SH3RF3: variants seen among roughly 807,000 people sequenced by gnomAD.
SH3RF3 encodes the protein E3 ubiquitin-protein ligase SH3RF3.
SH3RF3 carries 29 observed loss-of-function variants against 66.3 expected under a neutral mutation model. The observed-to-expected ratio is 0.44, with a 90% CI of 0.33 to 0.60. The LOEUF (loss-of-function observed/expected upper bound fraction) is 0.60. Ranked by LOEUF, SH3RF3 falls within the 20% of genes least tolerant of loss-of-function variation. The pLI, the probability that SH3RF3 is intolerant of heterozygous loss-of-function variation, is 0.04. For synonymous variants in SH3RF3, 583 were observed against 532.0 expected (o/e 1.10, Z -1.32); for missense variants, 1,194 against 1,190.9 (o/e 1.00, Z -0.04).
chr2:109,333,357 T>C (rs1682332472), intron 1 of SH3RF3, among the ~76,000 whole-genome samples: 1 of 152,254 alleles, frequency 6.6e-6, no homozygotes, highest in African/African-American at 2.4e-5. Flanking sequence ...ATGTAATGTA[T>C]TGGTTTCAGC....
chr2:109,177,382 A>C (rs758556562), intron 1 of SH3RF3, among the ~76,000 whole-genome samples: 8 of 152,212 alleles, frequency 5.3e-5, no homozygotes, highest in Non-Finnish European at 1.0e-4. Context: ...CTGCCATTGT[A>C]GCATGAATAA....
At chr2:109,157,034 G>A (rs1304327520) in intron 1 of SH3RF3, among the ~76,000 whole-genome samples, 4 of 152,138 alleles carry the variant, frequency 2.6e-5, no homozygotes, top group African/African-American at 4.8e-5. Flanking sequence ...TTCCATCATA[G>A]GATTTGCATC....
At chr2:109,337,840 A>G (rs901323664) in intron 1 of SH3RF3, among the ~76,000 whole-genome samples, 2 of 149,718 alleles carry the variant, frequency 1.3e-5, no homozygotes, top group Non-Finnish European at 3.0e-5. Flanking sequence ...TGATCCTCCC[A>G]CCTCAGCCTC....
At chr2:109,380,229 C>G (rs1683482793) in intron 3 of SH3RF3, among the ~76,000 whole-genome samples, 1 of 152,126 alleles carries the variant, frequency 6.6e-6, no homozygotes, top group African/African-American at 2.4e-5. Context: ...CTTCTTAAGT[C>G]TTTTTGAGGT....
chr2:109,341,294 C>T (rs1256695097), intron 1 of SH3RF3, among the ~76,000 whole-genome samples: 2 of 152,206 alleles, frequency 1.3e-5, no homozygotes, highest in Admixed American at 1.3e-4. Context: ...TAACAAACTT[C>T]TTCATCGCGG....
chr2:109,346,149 C>T (rs1248851711), intron 1 of SH3RF3, among the ~76,000 whole-genome samples: 1 of 152,164 alleles, frequency 6.6e-6, no homozygotes, highest in Non-Finnish European at 1.5e-5. Context: ...CACTACAAAG[C>T]TATCCAGAAT....
At chr2:109,352,544 G>A (rs1387753958) in intron 2 of SH3RF3, among the ~76,000 whole-genome samples, 1 of 152,220 alleles carries the variant, frequency 6.6e-6, no homozygotes, top group Non-Finnish European at 1.5e-5. Context: ...CCGAGACGAT[G>A]AGGAAACTTT....
chr2:109,224,963 C>G (rs747856986), intron 1 of SH3RF3, among the ~76,000 whole-genome samples: 4 of 152,138 alleles, frequency 2.6e-5, no homozygotes, highest in Non-Finnish European at 4.4e-5. Flanking sequence ...GCAGCATAAC[C>G]TTATCTTTTT....
intron 3 of SH3RF3, among the ~76,000 whole-genome samples, chr2:109,392,376 C>A (rs1676022055): frequency 6.6e-6 from 1 of 152,200 alleles, no homozygotes; most frequent in South Asian, 2.1e-4. Flanking sequence ...CACTTAACCT[C>A]TCTGAGCCTC....
intron 3 of SH3RF3, among the ~76,000 whole-genome samples, chr2:109,394,267 G>T (rs1676081885): frequency 6.6e-6 from 1 of 152,260 alleles, no homozygotes; most frequent in African/African-American, 2.4e-5. Context: ...TGCTGAGCCA[G>T]CAGGCAGCCA....
intron 1 of SH3RF3, chr2:109,313,699 C>G (rs1681792310): frequency 6.5e-6 from 1 of 154,916 alleles, no homozygotes; most frequent in African/African-American, 2.4e-5. Context: ...TGGAGAGAGA[C>G]TGATTCTCTG....
At chr2:109,201,772 A>G (rs1221511279) in intron 1 of SH3RF3, among the ~76,000 whole-genome samples, 1 of 152,148 alleles carries the variant, frequency 6.6e-6, no homozygotes, top group Non-Finnish European at 1.5e-5. Flanking sequence ...TTGGTAGGAA[A>G]TGAGCTTTGG....
intron 1 of SH3RF3, among the ~76,000 whole-genome samples, chr2:109,176,634 G>C (rs980037036): frequency 6.6e-5 from 10 of 152,196 alleles, no homozygotes; most frequent in African/African-American, 2.4e-4. Context: ...CAACCCAGAA[G>C]GCTGAGGCAG....
chr2:109,448,176 T>C (rs1677761548), intron 7 of SH3RF3, among the ~76,000 whole-genome samples: 1 of 152,220 alleles, frequency 6.6e-6, no homozygotes, highest in African/African-American at 2.4e-5. Context: ...CATGCAGTGG[T>C]GCTTAATAAT....
At chr2:109,309,233 G>A (rs537218394) in intron 1 of SH3RF3, among the ~76,000 whole-genome samples, 21,100 of 119,596 alleles carry the variant, frequency 0.18, 335 homozygotes, top group African/African-American at 0.33. Flanking sequence ...TTTGTCTGTT[G>A]TTGGTGTATA....
intron 1 of SH3RF3, among the ~76,000 whole-genome samples, chr2:109,157,080 A>T (rs1677363771): frequency 6.6e-6 from 1 of 152,210 alleles, no homozygotes; most frequent in South Asian, 2.1e-4. Flanking sequence ...TGGTAAACAC[A>T]GGTGGCTCCA....
At chr2:109,240,287 G>A (rs1311591352) in intron 1 of SH3RF3, among the ~76,000 whole-genome samples, 4 of 152,114 alleles carry the variant, frequency 2.6e-5, no homozygotes, top group African/African-American at 4.8e-5. Context: ...ATCACTTGAG[G>A]TCGGGAGTCC....
At chr2:109,437,167 C>T (rs2104587347) in intron 7 of SH3RF3, 21 bp downstream of exon 7, 2 of 1,589,568 alleles carry the variant, frequency 1.3e-6, no homozygotes, top group Non-Finnish European at 1.7e-6. Flanking sequence ...AGGGGCCTCA[C>T]CCTGCAGGGC....
chr2:109,149,985 A>G (rs976618891), intron 1 of SH3RF3, among the ~76,000 whole-genome samples: 3 of 152,042 alleles, frequency 2.0e-5, no homozygotes, highest in Non-Finnish European at 2.9e-5. Context: ...CCCCTGGGGA[A>G]CCTCCCCAAA....
Sources: allele counts gnomAD v4.1 joint callset (sites outside exome capture counted in the v4.1 genomes callset), GRCh38; gene constraint gnomAD v4.1.1; transcripts MANE v1.5; gene names NCBI Gene and HGNC (gene_info 2026-07-23, HGNC 2026-07-21).